The following NPL variants were observed in gnomAD, a reference collection of about 807,000 sequenced individuals.
The protein encoded by NPL is N-acetylneuraminate pyruvate lyase, also known as N-acetylneuraminate lyase.
Under a neutral mutation model 41.1 loss-of-function variants are expected in NPL, and 32 were observed. That is an observed-to-expected ratio of 0.78 (90% CI 0.59 to 1.05). NPL has a LOEUF of 1.05. Among genes scored for constraint, NPL ranks in the 50% least tolerant of loss-of-function variants. NPL has a pLI of 0.00. For synonymous variants in NPL, 128 were observed against 134.9 expected (o/e 0.95, Z 0.35); for missense variants, 321 against 378.4 (o/e 0.85, Z 1.26).
At chr1:182,815,002 T>C in intron 7 of NPL, 144 bp downstream of exon 7, 1 of 683,646 alleles carries the variant, frequency 1.5e-6, no homozygotes, top group East Asian at 2.8e-5. Context: ...TTCTCTGAAA[T>C]ATTTGCTCTC....
chr1:182,812,275 T>TA, intron 6 of NPL, 62 bp downstream of exon 6: 2 of 1,400,742 alleles, frequency 1.4e-6, no homozygotes, highest in Admixed American at 3.4e-5. Flanking sequence ...ATGCCGCAGT[T>TA]AAAATCAGTA....
intron 3 of NPL, among the ~76,000 whole-genome samples, chr1:182,800,435 C>CAAAAAAAAAA (rs1053733197): frequency 1.9e-5 from 1 of 51,568 alleles, no homozygotes; most frequent in African/African-American, 4.9e-5. Flanking sequence ...GACCCTGTCT[C>CAAAAAAAAAA]AAAAAAAAAA....
intron 3 of NPL, among the ~76,000 whole-genome samples, chr1:182,796,724 G>A (rs75195047): frequency 0.033 from 5,030 of 152,092 alleles, 264 homozygotes; most frequent in African/African-American, 0.12. Context: ...CCGACCCTGG[G>A]GAGATCTTGT....
chr1:182,806,131 CTTTG>C lies in NPL; in HGVS notation c.143-9_143-6del, dbSNP rs1376797182. 1.2e-6 allele frequency: 2 copies of C among 1,614,042 alleles called. No individual in the cohort carries two copies. The highest frequency in any genetic ancestry group is 8.5e-7 in the Non-Finnish European group (1 of 1,180,040). On this transcript the variant is annotated splice_polypyrimidine_tract_variant and intron_variant, in intron 4 of 12. Transcript: ENST00000367553. Reference sequence around the variant, plus strand: ...TGCTCCTTGGTCCTGCTGACTTACTCTTTGTTTGAACAGTGAATGGCACAACAGG... The same window carrying C: ...TGCTCCTTGGTCCTGCTGACTTACTCTTTGAACAGTGAATGGCACAACAGG...
chr1:182,825,916 T>C (rs924603729), intron 12 of NPL, 96 bp downstream of exon 12: 2 of 926,728 alleles, frequency 2.2e-6, no homozygotes, highest in East Asian at 4.8e-5. Context: ...AGAACACTTT[T>C]TAATGGTCTG....
intron 3 of NPL, among the ~76,000 whole-genome samples, chr1:182,801,868 G>A (rs1666857643): frequency 1.3e-5 from 2 of 152,122 alleles, no homozygotes; most frequent in South Asian, 4.1e-4. Flanking sequence ...GAGGGAAGGA[G>A]GACATAGGGT....
At chr1:182,814,718 A>G in intron 6 of NPL, 65 bp from the exon 7 acceptor site, 1 of 1,292,714 alleles carries the variant, frequency 7.7e-7, no homozygotes, top group Non-Finnish European at 1.1e-6. Flanking sequence ...TGATCTTAGT[A>G]TCTAAGCTAT....
chr1:182,794,406 T>C lies in NPL; in HGVS notation c.35T>C (p.Val12Ala). 2.5e-6 allele frequency: 4 copies of C among 1,614,216 alleles called. No homozygotes were observed. The highest frequency in any genetic ancestry group is 4.5e-5 in the East Asian group (2 of 44,886). Residue 12 changes from valine to alanine, a missense_variant, in exon 3 of 13, where the codon GTG becomes GCG. By Grantham distance (64) the Val-to-Ala change is moderately conservative. Transcript: ENST00000367553. ...CCAAAGAAGAAACTTCAGGGTCTTGTGGCTGCAACCATCACGCCAATGACT... is the reference window on the plus strand; with the variant it reads ...CCAAAGAAGAAACTTCAGGGTCTTGCGGCTGCAACCATCACGCCAATGACT... ...AFPKKKLQGL[V>A]AATITPMTEN...
chr1:182,807,651 C>A lies in NPL; in HGVS notation c.230+1419C>A, dbSNP rs183903243. The stretch of plus-strand genomic sequence containing the variant: ...CAGCACTTTGGGAGGCCAAGGCGGG[C>A]GGATCACGAGGTCAGGAGATCGAGA... On this transcript the variant is annotated intron_variant, in intron 5 of 12. Transcript: ENST00000367553. 3.8e-3 allele frequency among the ~76,000 whole-genome samples: 552 copies of A among 145,206 alleles called. 7 individuals carry two copies. The highest frequency in any genetic ancestry group is 0.023 in the East Asian group (114 of 4,918).
intron 7 of NPL, among the ~76,000 whole-genome samples, chr1:182,815,925 A>G (rs558462259): frequency 6.6e-5 from 10 of 152,346 alleles, no homozygotes; most frequent in Middle Eastern, 3.4e-3. Flanking sequence ...ATTTTTTCAC[A>G]TGGCTTTACA....
chr1:182,792,833 G>C (rs554343070), intron 2 of NPL, among the ~76,000 whole-genome samples: 1 of 152,268 alleles, frequency 6.6e-6, no homozygotes, highest in East Asian at 1.9e-4. Context: ...CAAGACTCTT[G>C]GGGAAGAAAA....
In NPL at chr1:182,806,373, C is replaced by G. The variant is rs755119268; in HGVS notation, c.230+141C>G. 153 of 1,548,086 alleles carry G rather than the reference C, an allele frequency of 9.9e-5. 1 individual carries two copies. Among genetic ancestry groups the G allele is most frequent in the Admixed American group, 2.0e-4 (10 of 51,044 alleles). The stretch of plus-strand genomic sequence containing the variant: ...CTGGTGGGAAGATGAGCAGGGCCCC[C>G]GGGATCCTGGCTTCTTGGAGAAGAG... On this transcript the variant is annotated intron_variant, in intron 5 of 12. Transcript: ENST00000367553.
chr1:182,816,653 T>C (rs1320506617), intron 7 of NPL, 61 bp from the exon 8 acceptor site: 2 of 1,197,446 alleles, frequency 1.7e-6, no homozygotes, highest in African/African-American at 1.5e-5. Context: ...TTCTCTTTTT[T>C]ACCAGGAAAG....
At position 182,828,679 on chromosome 1, in the gene NPL, A is replaced by T. The variant is rs1157768884; in HGVS notation, c.779-45A>T. The T allele has an allele frequency of 1.2e-6, 2 of 1,613,430 alleles. No individual in the cohort carries two copies. Among genetic ancestry groups the T allele is most frequent in the East Asian group, 4.5e-5 (2 of 44,880 alleles). ...CCTTCTTTGGGATTTTTGTGGAGAG[A>T]TAGACGGTACCAGTCATGTTTCCTC... On this transcript the variant is annotated intron_variant, in intron 12 of 12. Transcript: ENST00000367553. The surrounding 1 kb of genome is among the most constrained non-coding windows in gnomAD (Gnocchi z 4.0).
chr1:182,807,295 TA>T (rs1374581067), intron 5 of NPL, among the ~76,000 whole-genome samples: 6 of 150,330 alleles, frequency 4.0e-5, no homozygotes, highest in African/African-American at 7.3e-5. Context: ...GATGAATGTA[TA>T]AAAAAAAAGG....
At chr1:182,810,091 C>G (rs1667132719) in intron 5 of NPL, 2 of 152,190 alleles carry the variant, frequency 1.3e-5, no homozygotes. Context: ...CCAAGAACCC[C>G]TGGAGGACTC....
intron 10 of NPL, among the ~76,000 whole-genome samples, chr1:182,821,061 G>A (rs1015048183): frequency 6.6e-6 from 1 of 152,096 alleles, no homozygotes; most frequent in African/African-American, 2.4e-5. Context: ...AGACCATTGG[G>A]ATTCAAATGT....
At chr1:182,812,083 C>T in intron 5 of NPL, 73 bp from the exon 6 acceptor site, 1 of 1,478,980 alleles carries the variant, frequency 6.8e-7, no homozygotes. Flanking sequence ...AAAATCAGCA[C>T]AAACCAGGAT....
At chr1:182,789,838 C>G (rs1392729326) in intron 1 of NPL, 33 bp downstream of exon 1, 1 of 152,356 alleles carries the variant, frequency 6.6e-6, no homozygotes, top group Non-Finnish European at 1.5e-5. Flanking sequence ...CGGGCTAGGA[C>G]AGACGGACGC....
Sources: gnomAD v4.1 joint callset for allele counts (sites outside exome capture counted in the v4.1 genomes callset) on GRCh38, gnomAD v4.1.1 for gene constraint, Gnocchi (gnomAD v3.1) non-coding constraint, MANE v1.5 for transcripts, NCBI Gene and HGNC (gene_info 2026-07-23, HGNC 2026-07-21) for gene names.